The following ZNF710 variants were observed in gnomAD, a reference collection of about 807,000 sequenced individuals.
ZNF710 encodes zinc finger protein 710.
Under a neutral mutation model 50.6 loss-of-function variants are expected in ZNF710, and 13 were observed. The observed-to-expected ratio is 0.26, with a 90% CI of 0.17 to 0.41. ZNF710 has a LOEUF of 0.41. Among genes scored for constraint, ZNF710 ranks in the 10% least tolerant of loss-of-function variants. The pLI is 1.00. For synonymous variants in ZNF710, 383 were observed against 397.0 expected (o/e 0.96, Z 0.42); for missense variants, 721 against 936.6 (o/e 0.77, Z 3.01).
chr15:90,032,144 C>A (rs1250453440), intron 1 of ZNF710, among the ~76,000 whole-genome samples: 1 of 152,170 alleles, frequency 6.6e-6, no homozygotes, highest in East Asian at 1.9e-4. Flanking sequence ...ATTAGAGGCG[C>A]CTGCCACCAC....
rs143517635 is a variant in ZNF710 at position 90,007,234 on chromosome 15, G to A, written c.-29+5620G>A. The stretch of plus-strand genomic sequence containing the variant: ...CAAAAGGGCTTTGGGGAGGAAAGGT[G>A]TAACGTTTCTGCCAAAAGCGGAACC... On this transcript the variant is annotated intron_variant, in intron 1 of 4. Coordinates refer to ENST00000268154, the MANE Select transcript of ZNF710 (RefSeq NM_198526.4). 8.4e-3 allele frequency among the ~76,000 whole-genome samples: 1,279 copies of A among 152,298 alleles called. 11 individuals carry two copies. Among genetic ancestry groups the A allele is most frequent in the South Asian group, 0.015 (71 of 4,826 alleles).
chr15:90,029,120 C>T (rs1440137607), intron 1 of ZNF710, among the ~76,000 whole-genome samples: 1 of 152,178 alleles, frequency 6.6e-6, no homozygotes, highest in East Asian at 1.9e-4. Context: ...ATTGCTCTTA[C>T]TTTTTCCCAA....
intron 1 of ZNF710, among the ~76,000 whole-genome samples, chr15:90,010,983 T>G (rs913662684): frequency 1.4e-5 from 2 of 142,176 alleles, no homozygotes; most frequent in African/African-American, 2.6e-5. Context: ...CAGGCTGGAG[T>G]GCAATGGTGC....
chr15:90,050,104 C>T (rs1037771360), intron 1 of ZNF710, among the ~76,000 whole-genome samples: 24 of 152,244 alleles, frequency 1.6e-4, no homozygotes. Context: ...TACGTTGCAC[C>T]AGCTGTCCCT....
chr15:90,025,060 T>A (rs1044968794), intron 1 of ZNF710: 13 of 152,194 alleles, frequency 8.5e-5, no homozygotes, highest in African/African-American at 3.1e-4. Context: ...CATATACCTG[T>A]CTTTTCCCTG....
At position 90,074,458 on chromosome 15, in the gene ZNF710, G is replaced by T. The variant is rs764594488; in HGVS notation, c.1825+168G>T. On this transcript the variant is annotated intron_variant, in intron 4 of 4. Transcript: ENST00000268154. The stretch of plus-strand genomic sequence containing the variant: ...CCTGGAAGGCCATGATGACAATAAC[G>T]ATGGGATATTTATGTCTTCTTCAAA... 2.6e-6 allele frequency: 4 copies of T among 1,533,308 alleles called. No homozygotes were observed. In the Admixed American group the frequency reaches 5.9e-5, roughly 23 times the overall value. 95.0% of individuals were successfully genotyped at this position (1,533,308 alleles called of 1,614,324 possible).
intron 1 of ZNF710, among the ~76,000 whole-genome samples, chr15:90,042,679 A>G (rs999848664): frequency 2.0e-5 from 3 of 152,080 alleles, no homozygotes; most frequent in Non-Finnish European, 4.4e-5. Flanking sequence ...GAAGACAAAG[A>G]AGGGGGACAG....
rs962718258 is a variant in ZNF710, at chr15:90,034,474, G to A, written c.-28-32636G>A. Among the ~76,000 whole-genome samples, 50 of 128,458 alleles carry A rather than the reference G, an allele frequency of 3.9e-4. 1 individual carries two copies. Among genetic ancestry groups the A allele is most frequent in the South Asian group, 4.8e-4 (2 of 4,192 alleles). The allele number at this position is 128,458 out of a possible 152,430, so 84.3% of individuals were successfully genotyped here. On this transcript the variant is annotated intron_variant, in intron 1 of 4. Transcript: ENST00000268154. The surrounding 1 kb of genome is among the most constrained non-coding windows in gnomAD (Gnocchi z 4.0). ...TGTGTGTGTGTGTGTGTGTGTGTGT[G>A]TATTCTGTGCCTGTGGTGGTGGTGG...
intron 1 of ZNF710, chr15:90,045,401 G>A (rs763059608): frequency 4.8e-5 from 47 of 985,406 alleles, no homozygotes; most frequent in African/African-American, 1.7e-4. Context: ...CAGGTTTGCC[G>A]TCTGGGAACT....
At chr15:90,037,209 G>T (rs1039223055) in intron 1 of ZNF710, among the ~76,000 whole-genome samples, 1 of 152,142 alleles carries the variant, frequency 6.6e-6, no homozygotes, top group Non-Finnish European at 1.5e-5. Flanking sequence ...TTCATTCCCC[G>T]GGTGGCCCAC....
chr15:90,004,485 A>C (rs930671537), intron 1 of ZNF710, among the ~76,000 whole-genome samples: 20 of 152,198 alleles, frequency 1.3e-4, no homozygotes, highest in African/African-American at 4.8e-4. Context: ...GCCAGGGCCT[A>C]GCCCGCGGCA....
intron 2 of ZNF710, among the ~76,000 whole-genome samples, chr15:90,069,744 G>A (rs899476931): frequency 2.5e-4 from 38 of 152,080 alleles, no homozygotes; most frequent in Admixed American, 2.3e-3. Context: ...ACAGTGGCTC[G>A]GGAAGGCAGA....
chr15:90,046,692 A>G (rs1053155448), intron 1 of ZNF710, among the ~76,000 whole-genome samples: 2 of 152,132 alleles, frequency 1.3e-5, no homozygotes, highest in Non-Finnish European at 2.9e-5. Context: ...AGCCCCTACT[A>G]TGTGCAAGTT....
At position 90,048,696 on chromosome 15, in the gene ZNF710, T is replaced by G. The variant is rs151088049; in HGVS notation, c.-28-18414T>G. Among the ~76,000 whole-genome samples, 560 of 152,308 alleles carry G rather than the reference T, an allele frequency of 3.7e-3. 4 individuals carry two copies. The highest frequency in any genetic ancestry group is 0.013 in the African/African-American group (526 of 41,558). ...AGGAGAGTTGGATCTTGTACTTCGT[T>G]TAGGAATGTGGTCTTCTGAGCTACC... is the stretch of plus-strand genomic sequence containing the variant. On this transcript the variant is annotated intron_variant, in intron 1 of 4. Coordinates refer to ENST00000268154, the MANE Select transcript of ZNF710 (RefSeq NM_198526.4).
intron 1 of ZNF710, among the ~76,000 whole-genome samples, chr15:90,065,394 G>C (rs144226438): frequency 6.6e-6 from 1 of 152,306 alleles, no homozygotes; most frequent in Non-Finnish European, 1.5e-5. Context: ...CCTCAGATGT[G>C]CCAGGTGTTG....
chr15:90,065,601 G>A (rs773852324), intron 1 of ZNF710, among the ~76,000 whole-genome samples: 2 of 151,802 alleles, frequency 1.3e-5, no homozygotes, highest in African/African-American at 2.4e-5. Flanking sequence ...TGCCCCAGGT[G>A]GGAAGACCCA....
upstream of ZNF710, among the ~76,000 whole-genome samples, chr15:89,999,070 C>G (rs1282758891): frequency 6.6e-6 from 1 of 152,204 alleles, no homozygotes; most frequent in Non-Finnish European, 1.5e-5. Flanking sequence ...TTCTAAGAAC[C>G]TGTAATAATG....
chr15:90,012,102 G>A (rs1596264403), intron 1 of ZNF710, among the ~76,000 whole-genome samples: 1 of 152,094 alleles, frequency 6.6e-6, no homozygotes, highest in Non-Finnish European at 1.5e-5. Flanking sequence ...CTACTCGGGA[G>A]GCTGAGGCAT....
At chr15:90,003,320 G>A (rs1898061688) in intron 1 of ZNF710, among the ~76,000 whole-genome samples, 1 of 152,104 alleles carries the variant, frequency 6.6e-6, no homozygotes, top group South Asian at 2.1e-4. Context: ...GGCCGGTATC[G>A]ACCTGCAGTG....
Sources: gnomAD v4.1 joint callset for allele counts (sites outside exome capture counted in the v4.1 genomes callset) on GRCh38, gnomAD v4.1.1 for gene constraint, Gnocchi (gnomAD v3.1) non-coding constraint, MANE v1.5 for transcripts, NCBI Gene and HGNC (gene_info 2026-07-23, HGNC 2026-07-21) for gene names.